The following SUGCT variants were observed in gnomAD, a reference collection of about 807,000 sequenced individuals.
SUGCT encodes the protein succinyl-CoA:glutarate CoA-transferase.
A neutral mutation model predicts 55.0 loss-of-function variants in SUGCT; 41 were observed. The observed-to-expected ratio is 0.74, with a 90% CI of 0.58 to 0.97. The LOEUF is 0.97. SUGCT is among the 50% of genes least tolerant of loss of function. The probability of loss-of-function intolerance (pLI) is 0.00; values close to 1 mark genes in which losing one functional copy is unlikely to be tolerated. For missense variants in SUGCT, 568 were observed against 547.8 expected (o/e 1.04, Z -0.37); for synonymous variants, 187 against 200.4 (o/e 0.93, Z 0.56).
chr7:40,443,129 A>G (rs1466305817), intron 9 of SUGCT, among the ~76,000 whole-genome samples: 3 of 152,156 alleles, frequency 2.0e-5, no homozygotes, highest in Non-Finnish European at 2.9e-5. Flanking sequence ...TCATTGATGG[A>G]CATTTGGGTT....
In SUGCT at chr7:40,405,193, A is replaced by G. The variant is rs546771505; in HGVS notation, c.817-44094A>G. Among the ~76,000 whole-genome samples the G allele has an allele frequency of 2.0e-5, 3 of 152,328 alleles. No homozygotes were observed. The East Asian group carries it at 5.8e-4, about 29-fold the overall frequency. ...GCTGTTTTGGCAAGGCTAAAGTGTCAGTATACTCATGGCTGGAAGAAGTAA... is the reference window on the plus strand; with the variant it reads ...GCTGTTTTGGCAAGGCTAAAGTGTCGGTATACTCATGGCTGGAAGAAGTAA... On this transcript the variant is annotated intron_variant, in intron 9 of 13. Transcript: ENST00000335693.
chr7:40,716,273 C>G (rs1188486652), intron 12 of SUGCT, among the ~76,000 whole-genome samples: 1 of 152,172 alleles, frequency 6.6e-6, no homozygotes, highest in African/African-American at 2.4e-5. Flanking sequence ...GAAGAGTGGT[C>G]ATCAGCAGTG....
At chr7:40,279,900 G>A (rs1792840063) in intron 8 of SUGCT, among the ~76,000 whole-genome samples, 1 of 151,936 alleles carries the variant, frequency 6.6e-6, no homozygotes, top group South Asian at 2.1e-4. Flanking sequence ...CATTAAGTAG[G>A]TAACATTTGA....
rs1435513796 is a variant in SUGCT, at chr7:40,362,836, G to A, written c.816+45981G>A. 5.3e-5 allele frequency among the ~76,000 whole-genome samples: 8 copies of A among 152,142 alleles called. 1 individual carries two copies. Among genetic ancestry groups the A allele is most frequent in the Non-Finnish European group, 1.2e-4 (8 of 68,016 alleles). ...AAAATGTAGTCTTGATCTATATGGT[G>A]TGATTAGAATGTGGCTTTTAGCCAT... On this transcript the variant is annotated intron_variant, in intron 9 of 13. Transcript: ENST00000335693.
intron 1 of SUGCT, among the ~76,000 whole-genome samples, chr7:40,168,431 G>T (rs1784520577): frequency 6.6e-6 from 1 of 152,146 alleles, no homozygotes; most frequent in Admixed American, 6.5e-5. Flanking sequence ...TGCATCTGGG[G>T]CTCTATTTGA....
the SUGCT span, among the ~76,000 whole-genome samples, chr7:40,951,093 C>A: frequency 6.6e-6 from 1 of 152,040 alleles, no homozygotes; most frequent in African/African-American, 2.4e-5. Flanking sequence ...TGGTCCTGGA[C>A]TTTTTTTGGG....
chr7:41,022,107 T>C, the SUGCT span, among the ~76,000 whole-genome samples: 5 of 152,178 alleles, frequency 3.3e-5, no homozygotes, highest in African/African-American at 7.2e-5. Flanking sequence ...GAAAGCTCAA[T>C]GAATCCTAGG....
chr7:40,396,044 T>C (rs1785709838), intron 9 of SUGCT, among the ~76,000 whole-genome samples: 1 of 152,192 alleles, frequency 6.6e-6, no homozygotes, highest in African/African-American at 2.4e-5. Flanking sequence ...CTTTGCTCTC[T>C]GATAGGATAC....
intron 6 of SUGCT, among the ~76,000 whole-genome samples, chr7:40,202,790 G>A (rs28465563): frequency 0.065 from 9,863 of 152,150 alleles, 998 homozygotes; most frequent in African/African-American, 0.22. Flanking sequence ...TATCTGTTAT[G>A]ATCACCTTGT....
intron 12 of SUGCT, among the ~76,000 whole-genome samples, chr7:40,547,766 CTG>C (rs1795071933): frequency 6.6e-6 from 1 of 152,092 alleles, no homozygotes; most frequent in Admixed American, 6.5e-5. Context: ...AAATAATACT[CTG>C]ATATATTATC....
At chr7:40,643,766 G>A (rs367822293) in intron 12 of SUGCT, among the ~76,000 whole-genome samples, 2 of 152,218 alleles carry the variant, frequency 1.3e-5, no homozygotes, top group South Asian at 4.2e-4. Flanking sequence ...GGAAACATCT[G>A]TCCTTCTGGA....
chr7:40,377,991 A>G (rs1414507099), intron 9 of SUGCT, among the ~76,000 whole-genome samples: 1 of 152,018 alleles, frequency 6.6e-6, no homozygotes, highest in Non-Finnish European at 1.5e-5. Flanking sequence ...TATGTAATGA[A>G]TTGCTTCTCT....
intron 7 of SUGCT, among the ~76,000 whole-genome samples, chr7:40,267,407 G>A (rs1263658781): frequency 1.3e-5 from 2 of 152,270 alleles, no homozygotes; most frequent in Admixed American, 1.3e-4. Context: ...ATTACTTGAT[G>A]TTTAAAAGTC....
intron 3 of SUGCT, among the ~76,000 whole-genome samples, chr7:40,185,774 C>T (rs1175297927): frequency 3.9e-5 from 6 of 152,222 alleles, no homozygotes; most frequent in Middle Eastern, 3.4e-3. Flanking sequence ...CCACACACCT[C>T]GGCCTCCCAA....
At chr7:40,282,134 CTG>C (rs966632514) in intron 8 of SUGCT, among the ~76,000 whole-genome samples, 1 of 151,706 alleles carries the variant, frequency 6.6e-6, no homozygotes, top group South Asian at 2.1e-4. Context: ...ATTGGAGAGA[CTG>C]TACTTTCCCT....
At chr7:40,604,112 C>T (rs1243295860) in intron 12 of SUGCT, among the ~76,000 whole-genome samples, 2 of 152,024 alleles carry the variant, frequency 1.3e-5, no homozygotes, top group East Asian at 1.9e-4. Context: ...GGTAAAATTC[C>T]GGGCAGGCTT....
At chr7:40,426,676 A>G (rs557654978) in intron 9 of SUGCT, among the ~76,000 whole-genome samples, 2 of 152,314 alleles carry the variant, frequency 1.3e-5, no homozygotes, top group East Asian at 3.9e-4. Context: ...TTAAGGTTTT[A>G]TAATACTACA....
chr7:40,686,650 A>G (rs1784481726), intron 12 of SUGCT, among the ~76,000 whole-genome samples: 1 of 152,076 alleles, frequency 6.6e-6, no homozygotes, highest in African/African-American at 2.4e-5. Context: ...CTACACATCC[A>G]TTCTCTTGGT....
chr7:40,630,180 T>A (rs970666444), intron 12 of SUGCT, among the ~76,000 whole-genome samples: 2 of 152,258 alleles, frequency 1.3e-5, no homozygotes, highest in Non-Finnish European at 2.9e-5. Context: ...CTGTCTCCTG[T>A]GAGCTGCTTT....
Sources: allele counts gnomAD v4.1 joint callset (sites outside exome capture counted in the v4.1 genomes callset), GRCh38; gene constraint gnomAD v4.1.1; transcripts MANE v1.5; gene names NCBI Gene and HGNC (gene_info 2026-07-23, HGNC 2026-07-21).